The following PTPRZ1 variants were observed in gnomAD, a reference collection of about 807,000 sequenced individuals.
PTPRZ1 encodes protein tyrosine phosphatase receptor type Z1.
A neutral mutation model predicts 214.1 loss-of-function variants in PTPRZ1; 82 were observed. The observed-to-expected ratio is 0.38, with a 90% CI of 0.32 to 0.46. PTPRZ1 has a LOEUF of 0.46. Among genes scored for constraint, PTPRZ1 ranks in the 20% least tolerant of loss-of-function variants. PTPRZ1 has a pLI of 1.00. For synonymous variants in PTPRZ1, 945 were observed against 987.9 expected, an observed-to-expected ratio of 0.96 and a Z score of 0.81; for missense variants, 2,603 against 2,748.7, an observed-to-expected ratio of 0.95 and a Z score of 1.19.
intron 8 of PTPRZ1, among the ~76,000 whole-genome samples, chr7:121,985,531 C>T (rs1221685162): frequency 6.6e-6 from 1 of 152,152 alleles, no homozygotes; most frequent in African/African-American, 2.4e-5. Context: ...TCCATGAAGT[C>T]CCCTGAAGAT....
intron 2 of PTPRZ1, among the ~76,000 whole-genome samples, chr7:121,943,651 T>G (rs1796296592): frequency 6.6e-6 from 1 of 152,122 alleles, no homozygotes; most frequent in South Asian, 2.1e-4. Context: ...AATGGAGAAT[T>G]TAAAGCAGTG....
At position 122,040,869 on chromosome 7, in the gene PTPRZ1, G is replaced by T; in HGVS notation, c.5691G>T (p.Thr1897=). 1 of 1,603,108 alleles carries T rather than the reference G, an allele frequency of 6.2e-7. No individual in the cohort carries two copies. Among genetic ancestry groups the T allele is most frequent in the Non-Finnish European group, 8.5e-7 (1 of 1,172,520 alleles). Residue 1897 remains threonine (T), a synonymous_variant, in exon 21 of 30, where the codon ACG becomes ACT. Coordinates refer to ENST00000393386, the MANE Select transcript of PTPRZ1 (RefSeq NM_002851.3). ...SGRVVTQYHY[T]QWPDMGVPEY... ...GTGTGGTCACACAGTATCACTACAC[G>T]CAGTGGCCTGACATGGGAGTACCAG...
At position 122,012,435 on chromosome 7, in the gene PTPRZ1, C is replaced by T. The variant is rs1306250103; in HGVS notation, c.3389C>T (p.Thr1130Ile). Residue 1130 changes from threonine (T) to isoleucine (I), a missense_variant, in exon 12 of 30, where the codon ACT (threonine) becomes ATT (isoleucine). Thr to Ile is a moderately conservative substitution (Grantham distance 89). Coordinates refer to ENST00000393386, the MANE Select transcript of PTPRZ1 (RefSeq NM_002851.3). ...AACTTTTCAGTTCAACCTACACATA[C>T]TGTCTCTCAAGCATCTGGTGACACT... Reference protein sequence around the residue: ...ENNFSVQPTHTVSQASGDTSL... With the variant: ...ENNFSVQPTHIVSQASGDTSL... 3.7e-6 allele frequency: 6 copies of T among 1,613,550 alleles called. No homozygotes were observed. Among genetic ancestry groups the T allele is most frequent in the Non-Finnish European group, 5.1e-6 (6 of 1,179,662 alleles).
chr7:121,982,217 A>G (rs1392441207), intron 6 of PTPRZ1, among the ~76,000 whole-genome samples: 1 of 151,988 alleles, frequency 6.6e-6, no homozygotes, highest in African/African-American at 2.4e-5. Context: ...TTTCTCTTTT[A>G]TTTTCTCTTC....
intron 8 of PTPRZ1, among the ~76,000 whole-genome samples, chr7:121,990,664 C>T (rs1248758017): frequency 1.3e-5 from 2 of 151,700 alleles, no homozygotes; most frequent in African/African-American, 4.8e-5. Context: ...GGACTACAGG[C>T]GCATGCTACC....
Position 122,051,468 on chromosome 7 carries a change from C to A in PTPRZ1, c.6125C>A (p.Ala2042Glu), listed in dbSNP as rs992532026. 1 of 1,613,382 alleles carries A rather than the reference C, an allele frequency of 6.2e-7. No homozygotes were observed. The highest frequency in any genetic ancestry group is 1.1e-5 in the South Asian group (1 of 91,070). Residue 2042 changes from alanine to glutamate, a missense_variant, in exon 24 of 30, where the codon GCA (alanine) becomes GAA (glutamate). Ala to Glu is a moderately radical substitution (Grantham distance 107). This residue lies in a region of PTPRZ1 where 134 missense variants were observed against 183.3 expected (regional missense o/e 0.73). Coordinates refer to ENST00000393386, the MANE Select transcript of PTPRZ1 (RefSeq NM_002851.3). ...QSNIQQSDYS[A>E]ALKQCNREKN... is the part of the protein sequence containing the mutation. ...AATATACAGCAGAGTGACTATTCTGCAGCCCTAAAGCAATGCAACAGGGAA... is the reference window on the plus strand; with the variant it reads ...AATATACAGCAGAGTGACTATTCTGAAGCCCTAAAGCAATGCAACAGGGAA...
intron 1 of PTPRZ1, among the ~76,000 whole-genome samples, chr7:121,914,513 C>T (rs1017315249): frequency 6.6e-6 from 1 of 152,104 alleles, no homozygotes. Flanking sequence ...AATCCGCTAG[C>T]TGTGTGGAGG....
intron 23 of PTPRZ1, among the ~76,000 whole-genome samples, chr7:122,050,570 A>C (rs1308885307): frequency 1.3e-5 from 2 of 152,126 alleles, no homozygotes; most frequent in African/African-American, 4.8e-5. Flanking sequence ...TTTGCAGAAA[A>C]CTTAAATAAG....
At position 121,894,431 on chromosome 7, in the gene PTPRZ1, G is replaced by A. The variant is rs144393605; in HGVS notation, c.58+20874G>A. On this transcript the variant is annotated intron_variant, in intron 1 of 29. Coordinates refer to ENST00000393386, the MANE Select transcript of PTPRZ1 (RefSeq NM_002851.3). ...TGCTTTTTTTTATTATTTGAGAAGG[G>A]ATCTGCCTCTGTCACTCAGGCTGGA... is the stretch of plus-strand genomic sequence containing the variant. 8.3e-3 allele frequency among the ~76,000 whole-genome samples: 1,269 copies of A among 152,038 alleles called. 8 individuals carry two copies. The highest frequency in any genetic ancestry group is 0.013 in the Non-Finnish European group (880 of 67,968).
chr7:122,055,830 C>T (rs967025857), intron 27 of PTPRZ1, among the ~76,000 whole-genome samples: 1 of 151,684 alleles, frequency 6.6e-6, no homozygotes, highest in Non-Finnish European at 1.5e-5. Flanking sequence ...AATCATGTTC[C>T]AAATAATTTG....
In PTPRZ1 at chr7:122,013,763, A is replaced by G. The variant is rs139218540; in HGVS notation, c.4717A>G (p.Thr1573Ala). Residue 1573 changes from threonine to alanine, a missense_variant, in exon 12 of 30, where the codon ACT becomes GCT. By Grantham distance (58) the Thr-to-Ala change is moderately conservative. This residue lies in a region of PTPRZ1 where 1,913 missense variants were observed against 1,914.3 expected (regional missense o/e 1.00). Coordinates refer to ENST00000393386, the MANE Select transcript of PTPRZ1 (RefSeq NM_002851.3). ...ETSTDFSFAD[T>A]NEKDADGILA... ...TTCCACAGATTTCAGTTTTGCAGAC[A>G]CTAATGAAAAAGATGCTGATGGGAT... 82 of 1,614,084 alleles carry G rather than the reference A, an allele frequency of 5.1e-5. No individual in the cohort carries two copies. Among genetic ancestry groups the G allele is most frequent in the Non-Finnish European group, 6.8e-5 (80 of 1,180,032 alleles).
intron 3 of PTPRZ1, among the ~76,000 whole-genome samples, chr7:121,970,646 G>C (rs1797210611): frequency 6.6e-6 from 1 of 152,108 alleles, no homozygotes; most frequent in Non-Finnish European, 1.5e-5. Flanking sequence ...TTTTGATGGG[G>C]TTGTTTGTTT....
intron 23 of PTPRZ1, among the ~76,000 whole-genome samples, chr7:122,048,868 G>C (rs1257694253): frequency 3.3e-5 from 5 of 152,008 alleles, no homozygotes; most frequent in Non-Finnish European, 7.4e-5. Flanking sequence ...AACTAACCCA[G>C]CTATTTTATT....
chr7:121,952,588 A>AAAAAGAAAAG (rs148462260), intron 2 of PTPRZ1, among the ~76,000 whole-genome samples: 2 of 152,024 alleles, frequency 1.3e-5, no homozygotes, highest in African/African-American at 4.8e-5. Flanking sequence ...CTGTCTCAAA[A>AAAAAGAAAAG]AAAAGAAAAG....
At chr7:121,874,008 T>C (rs989151521) in intron 1 of PTPRZ1, among the ~76,000 whole-genome samples, 3 of 150,822 alleles carry the variant, frequency 2.0e-5, no homozygotes, top group East Asian at 1.9e-4. Flanking sequence ...TGGGCTTAAA[T>C]GGAAAGTACA....
intron 6 of PTPRZ1, among the ~76,000 whole-genome samples, chr7:121,978,299 T>C (rs1321022554): frequency 6.6e-6 from 1 of 152,164 alleles, no homozygotes; most frequent in Non-Finnish European, 1.5e-5. Flanking sequence ...TTCTAGTCCT[T>C]TACCCCCTCT....
At chr7:121,929,875 A>G (rs1795874048) in intron 2 of PTPRZ1, among the ~76,000 whole-genome samples, 1 of 151,898 alleles carries the variant, frequency 6.6e-6, no homozygotes, top group South Asian at 2.1e-4. Context: ...TGTGATGCAC[A>G]CTGCCTAAAT....
chr7:122,057,701 T>TA (rs1792404677), intron 27 of PTPRZ1, among the ~76,000 whole-genome samples: 1 of 150,454 alleles, frequency 6.6e-6, no homozygotes, highest in African/African-American at 2.4e-5. Flanking sequence ...GTTTAATCTA[T>TA]ATGAATGTAT....
At chr7:122,042,463 A>G (rs1281448076) in intron 21 of PTPRZ1, 145 bp from the exon 22 acceptor site, 3 of 723,770 alleles carry the variant, frequency 4.1e-6, no homozygotes, top group African/African-American at 3.6e-5. Context: ...AACTGTTTAC[A>G]ATATTGAATT....
Sources: allele counts gnomAD v4.1 joint callset (sites outside exome capture counted in the v4.1 genomes callset), GRCh38; gene constraint gnomAD v4.1.1; regional missense constraint gnomAD v4.1.1; transcripts MANE v1.5; gene names NCBI Gene and HGNC (gene_info 2026-07-23, HGNC 2026-07-21).